PREX2: variants seen among roughly 807,000 people sequenced by gnomAD.
PREX2 encodes the protein phosphatidylinositol-3,4,5-trisphosphate dependent Rac exchange factor 2, also known as phosphatidylinositol 3,4,5-trisphosphate-dependent Rac exchanger 2 protein.
PREX2 carries 107 observed loss-of-function variants against 203.2 expected under a neutral mutation model. The ratio of observed to expected loss-of-function variants is 0.53; its 90% CI spans 0.45 to 0.62. The LOEUF (loss-of-function observed/expected upper bound fraction) is 0.62. PREX2 is among the 20% of genes least tolerant of loss of function. PREX2 has a pLI of 0.00. For missense variants in PREX2, 1,777 were observed against 1,955.9 expected (o/e 0.91, Z 1.72); for synonymous variants, 672 against 663.6 (o/e 1.01, Z -0.19).
intron 35 of PREX2, among the ~76,000 whole-genome samples, chr8:68,160,290 G>T (rs1051106565): frequency 6.6e-6 from 1 of 152,124 alleles, no homozygotes; most frequent in African/African-American, 2.4e-5. Flanking sequence ...TTTAGAAGAT[G>T]CATCAGAATT....
At position 68,049,117 on chromosome 8, in the gene PREX2, C is replaced by CTT. The variant is rs3056658; in HGVS notation, c.944-3962_944-3961dup. ...TTTAAAAGGAAAAGTCAATTAGAAT[C>CTT]TTTTTTTTTTTTTTTTTTTGCCAAA... On this transcript the variant is annotated intron_variant, in intron 8 of 39. Coordinates refer to ENST00000288368, the MANE Select transcript of PREX2 (RefSeq NM_024870.4). Among the ~76,000 whole-genome samples, 460 of 116,088 alleles carry CTT rather than the reference C, an allele frequency of 4.0e-3. 4 individuals carry two copies. The highest frequency in any genetic ancestry group is 5.2e-3 in the East Asian group (18 of 3,436). The allele number at this position is 116,088 out of a possible 152,430, so 76.2% of individuals were successfully genotyped here. A position where few individuals can be genotyped will look rare whatever the true frequency, so the allele number is the denominator to read the frequency against.
At chr8:68,176,368 T>G (rs1811980482) in intron 35 of PREX2, among the ~76,000 whole-genome samples, 1 of 152,088 alleles carries the variant, frequency 6.6e-6, no homozygotes, top group Admixed American at 6.6e-5. Context: ...TCAGTTTGTT[T>G]TGGGTAAATA....
chr8:68,191,872 A>G, intron 36 of PREX2, 84 bp downstream of exon 36: 1 of 927,742 alleles, frequency 1.1e-6, no homozygotes, highest in African/African-American at 1.7e-5. Context: ...CTGCAGAAAA[A>G]TTAATCTAAG....
At chr8:67,981,915 A>G (rs1036570824) in intron 1 of PREX2, among the ~76,000 whole-genome samples, 4 of 152,162 alleles carry the variant, frequency 2.6e-5, no homozygotes, top group African/African-American at 9.7e-5. Context: ...GCTATCAGGG[A>G]TTGAGTGCTT....
intron 25 of PREX2, among the ~76,000 whole-genome samples, chr8:68,114,621 C>G (rs1810604943): frequency 6.6e-6 from 1 of 152,188 alleles, no homozygotes; most frequent in Admixed American, 6.5e-5. Flanking sequence ...AAGTCCTCAG[C>G]AGGTTTCACA....
chr8:68,061,361 C>G (rs958824871), intron 11 of PREX2, among the ~76,000 whole-genome samples: 1 of 152,158 alleles, frequency 6.6e-6, no homozygotes, highest in Non-Finnish European at 1.5e-5. Flanking sequence ...CCGAGGGGGG[C>G]CAGGAGCTGA....
chr8:68,014,696 G>A (rs1807363383), intron 1 of PREX2, among the ~76,000 whole-genome samples: 1 of 152,188 alleles, frequency 6.6e-6, no homozygotes, highest in Non-Finnish European at 1.5e-5. Flanking sequence ...AAGTCAAAGT[G>A]AAATAAGTAA....
intron 1 of PREX2, among the ~76,000 whole-genome samples, chr8:67,988,044 C>T (rs960226102): frequency 2.6e-5 from 4 of 152,184 alleles, no homozygotes; most frequent in Non-Finnish European, 4.4e-5. Context: ...TTTGTTCCCT[C>T]GCAAAATGAA....
chr8:68,062,835 T>C (rs1388269713), intron 11 of PREX2, among the ~76,000 whole-genome samples: 1 of 152,180 alleles, frequency 6.6e-6, no homozygotes, highest in East Asian at 1.9e-4. Context: ...ATTACCTCTT[T>C]ATCTCCCTAT....
At position 68,115,858 on chromosome 8, in the gene PREX2, G is replaced by C; in HGVS notation, c.3252G>C (p.Arg1084=). 6.2e-7 allele frequency: 1 copy of C among 1,613,858 alleles called. No homozygotes were observed. Among genetic ancestry groups the C allele is most frequent in the African/African-American group, 1.3e-5 (1 of 75,004 alleles). ...DNEKGERNSK[R]VCFNVAGDEQ... ...AGAAGGGAGAAAGAAACAGCAAACG[G>C]GTATGTTTTAATGTAGCAGGAGATG... The change falls in exon 26 of 40, where the codon CGG becomes CGC. Residue 1084 remains arginine, a synonymous_variant. Transcript: ENST00000288368.
At chr8:68,079,621 G>A (rs1809452085) in intron 15 of PREX2, among the ~76,000 whole-genome samples, 2 of 151,132 alleles carry the variant, frequency 1.3e-5, no homozygotes, top group Admixed American at 6.6e-5. Context: ...CAACCTTCAA[G>A]GTATTAAGGA....
chr8:68,062,359 G>A (rs1808883620), intron 11 of PREX2, among the ~76,000 whole-genome samples: 1 of 152,080 alleles, frequency 6.6e-6, no homozygotes, highest in Non-Finnish European at 1.5e-5. Flanking sequence ...CCATCTAATT[G>A]CTTACAATCA....
At chr8:68,110,711 G>A (rs1585802010) in intron 25 of PREX2, among the ~76,000 whole-genome samples, 1 of 152,140 alleles carries the variant, frequency 6.6e-6, no homozygotes, top group East Asian at 1.9e-4. Context: ...GACATTATAC[G>A]GATGAAGTCA....
intron 10 of PREX2, among the ~76,000 whole-genome samples, chr8:68,060,321 A>G (rs13255200): frequency 0.18 from 27,935 of 152,150 alleles, 2,732 homozygotes; most frequent in South Asian, 0.22. Flanking sequence ...AGCTATCTTT[A>G]GGATCTGTTG....
chr8:68,146,861 T>C (rs984011950), intron 34 of PREX2, among the ~76,000 whole-genome samples: 5 of 152,336 alleles, frequency 3.3e-5, no homozygotes, highest in South Asian at 4.1e-4. Context: ...AGAAAATATA[T>C]ATTCCTTTGT....
At chr8:67,952,831 C>T (rs1240392324) in intron 1 of PREX2, 3 of 494,420 alleles carry the variant, frequency 6.1e-6, no homozygotes, top group Non-Finnish European at 1.1e-5. Context: ...CCCTATCTTC[C>T]CTCACTTTTC....
chr8:68,187,905 A>AG (rs1812222618), intron 35 of PREX2, among the ~76,000 whole-genome samples: 1 of 152,198 alleles, frequency 6.6e-6, no homozygotes, highest in African/African-American at 2.4e-5. Flanking sequence ...AGGTGGACAG[A>AG]GGGGGCTGGG....
intron 1 of PREX2, among the ~76,000 whole-genome samples, chr8:67,980,901 A>T (rs1280733022): frequency 6.6e-6 from 1 of 152,184 alleles, no homozygotes; most frequent in Non-Finnish European, 1.5e-5. Context: ...TAAATTACTC[A>T]GTCTTGGGTA....
chr8:68,094,936 C>T (rs1280014496), intron 21 of PREX2: 1 of 152,264 alleles, frequency 6.6e-6, no homozygotes, highest in South Asian at 2.1e-4. Context: ...TCCCACATCC[C>T]TTCCTTGGGT....
Sources: gnomAD v4.1 joint callset for allele counts (sites outside exome capture counted in the v4.1 genomes callset) on GRCh38, gnomAD v4.1.1 for gene constraint, MANE v1.5 for transcripts, NCBI Gene and HGNC (gene_info 2026-07-23, HGNC 2026-07-21) for gene names.